KCNMA1: variants seen among roughly 807,000 people sequenced by gnomAD.
The protein encoded by KCNMA1 is potassium calcium-activated channel subfamily M alpha 1.
KCNMA1 carries 29 observed loss-of-function variants against 140.0 expected under a neutral mutation model. The ratio of observed to expected loss-of-function variants is 0.21; its 90% CI spans 0.15 to 0.28. KCNMA1 has a LOEUF of 0.28. Ranked by LOEUF, KCNMA1 falls within the 10% of genes least tolerant of loss-of-function variation. The pLI is 1.00. For synonymous variants in KCNMA1, 612 were observed against 611.9 expected (o/e 1.00, Z 0.00); for missense variants, 880 against 1,602.2 (o/e 0.55, Z 7.70).
At chr10:77,311,070 C>T (rs2079127104) in intron 2 of KCNMA1, among the ~76,000 whole-genome samples, 1 of 152,156 alleles carries the variant, frequency 6.6e-6, no homozygotes. Flanking sequence ...GGTCTGAAGA[C>T]CAAAGTCTGT....
chr10:77,249,229 C>T (rs2059225298), intron 3 of KCNMA1, among the ~76,000 whole-genome samples: 1 of 152,170 alleles, frequency 6.6e-6, no homozygotes, highest in African/African-American at 2.4e-5. Flanking sequence ...TCAGAGAGGA[C>T]TCCCAGTGCC....
intron 23 of KCNMA1, among the ~76,000 whole-genome samples, chr10:76,940,991 G>C (rs200662142): frequency 1.2e-3 from 77 of 63,486 alleles, no homozygotes; most frequent in African/African-American, 4.0e-3. Flanking sequence ...GAGAGAAAGA[G>C]AGAAAGAAAG....
intron 1 of KCNMA1, among the ~76,000 whole-genome samples, chr10:77,612,872 G>A (rs2087527534): frequency 1.3e-5 from 2 of 152,224 alleles, no homozygotes; most frequent in South Asian, 4.1e-4. Context: ...ATTTGCTTAT[G>A]GAAGACAAAG....
chr10:76,892,682 G>A (rs1350356786), intron 25 of KCNMA1, among the ~76,000 whole-genome samples: 2 of 152,060 alleles, frequency 1.3e-5, no homozygotes, highest in African/African-American at 4.8e-5. Flanking sequence ...GCATAGTAGG[G>A]AACAAACCAA....
chr10:77,018,804 C>T (rs1455283820), intron 17 of KCNMA1, among the ~76,000 whole-genome samples: 1 of 152,160 alleles, frequency 6.6e-6, no homozygotes, highest in Non-Finnish European at 1.5e-5. Flanking sequence ...GAGCAGGTAA[C>T]TAGGCTTCCT....
At chr10:77,118,911 CA>C (rs2097538441) in intron 6 of KCNMA1, among the ~76,000 whole-genome samples, 1 of 152,196 alleles carries the variant, frequency 6.6e-6, no homozygotes, top group Admixed American at 6.5e-5. Context: ...TGGTTATGAC[CA>C]TAAGTGAAAG....
At chr10:77,636,434 C>A (rs1371980865) in intron 1 of KCNMA1, 4 of 1,536,074 alleles carry the variant, frequency 2.6e-6, no homozygotes, top group Non-Finnish European at 2.6e-6. Context: ...GAAGACGCTC[C>A]GCGTAAAACC....
At chr10:77,398,027 GA>G (rs1176461169) in intron 2 of KCNMA1, among the ~76,000 whole-genome samples, 1 of 149,384 alleles carries the variant, frequency 6.7e-6, no homozygotes, top group Admixed American at 6.7e-5. Flanking sequence ...TATATAATGT[GA>G]TATATATGCA....
At chr10:77,333,136 C>T (rs942767614) in intron 2 of KCNMA1, among the ~76,000 whole-genome samples, 13 of 152,106 alleles carry the variant, frequency 8.5e-5, no homozygotes, top group African/African-American at 3.1e-4. Flanking sequence ...AGGCAAATAG[C>T]AATGGTATAG....
chr10:77,069,153 C>T (rs1037264462), intron 14 of KCNMA1, among the ~76,000 whole-genome samples: 1 of 152,114 alleles, frequency 6.6e-6, no homozygotes, highest in African/African-American at 2.4e-5. Context: ...AAGTTCATTG[C>T]CTGGGTCTTT....
chr10:77,464,697 C>T (rs1376131114), intron 1 of KCNMA1, among the ~76,000 whole-genome samples: 2 of 152,136 alleles, frequency 1.3e-5, no homozygotes, highest in Admixed American at 1.3e-4. Flanking sequence ...AAGCCAGGCT[C>T]CCGGCCCTCT....
At chr10:77,075,347 A>C (rs970793345) in intron 13 of KCNMA1, among the ~76,000 whole-genome samples, 1 of 152,234 alleles carries the variant, frequency 6.6e-6, no homozygotes, top group African/African-American at 2.4e-5. Context: ...ACTTGCAGTA[A>C]TATCATCTGA....
At chr10:77,380,683 C>A (rs2095352305) in intron 2 of KCNMA1, among the ~76,000 whole-genome samples, 1 of 152,142 alleles carries the variant, frequency 6.6e-6, no homozygotes, top group African/African-American at 2.4e-5. Flanking sequence ...GAGCCCAGCA[C>A]ATAGTAGGAG....
intron 1 of KCNMA1, chr10:77,636,539 G>A (rs1443672480): frequency 2.0e-6 from 3 of 1,536,060 alleles, no homozygotes; most frequent in East Asian, 2.4e-5. Context: ...AACAGAGGCC[G>A]AAGAACTTGG....
intron 15 of KCNMA1, 193 bp downstream of exon 15, chr10:77,039,335 C>T (rs907043586): frequency 1.4e-5 from 9 of 630,942 alleles, no homozygotes; most frequent in Non-Finnish European, 2.6e-5. Flanking sequence ...AAAAGTGGGG[C>T]CAGTGGAAAT....
chr10:77,461,178 T>G (rs1470475242), intron 1 of KCNMA1, among the ~76,000 whole-genome samples: 2 of 151,942 alleles, frequency 1.3e-5, no homozygotes, highest in Non-Finnish European at 2.9e-5. Context: ...AAGCCCAGAC[T>G]TTACCACTAC....
chr10:77,537,191 T>C (rs1246593964), intron 1 of KCNMA1, among the ~76,000 whole-genome samples: 1 of 152,202 alleles, frequency 6.6e-6, no homozygotes, highest in Non-Finnish European at 1.5e-5. Context: ...GACTTCTGAA[T>C]GCTCCTAGAA....
intron 2 of KCNMA1, among the ~76,000 whole-genome samples, chr10:77,283,496 TTCTTGATAAAGTA>T: frequency 6.6e-6 from 1 of 152,166 alleles, no homozygotes; most frequent in African/African-American, 2.4e-5. Flanking sequence ...CCCTGTCAGA[TTCTTGATAAAGTA>T]CAGCACATGC....
intron 2 of KCNMA1, among the ~76,000 whole-genome samples, chr10:77,389,666 T>C (rs2095743660): frequency 6.6e-6 from 1 of 152,156 alleles, no homozygotes; most frequent in African/African-American, 2.4e-5. Flanking sequence ...GCTGAAATGA[T>C]TCAAAAGAAG....
Sources: allele counts gnomAD v4.1 joint callset (sites outside exome capture counted in the v4.1 genomes callset), GRCh38; gene constraint gnomAD v4.1.1; transcripts MANE v1.5; gene names NCBI Gene and HGNC (gene_info 2026-07-23, HGNC 2026-07-21).